The following DSG2 variants were observed in gnomAD, a reference collection of about 807,000 sequenced individuals.
The protein encoded by DSG2 is desmoglein 2.
A neutral mutation model predicts 75.6 loss-of-function variants in DSG2; 45 were observed. The ratio of observed to expected loss-of-function variants is 0.60; its 90% CI spans 0.47 to 0.76. DSG2 has a LOEUF of 0.76. DSG2 is among the 30% of genes least tolerant of loss of function. The pLI is 0.00. For missense variants in DSG2, 1,267 were observed against 1,357.4 expected, an observed-to-expected ratio of 0.93 and a Z score of 1.05; for synonymous variants, 429 against 483.9, an observed-to-expected ratio of 0.89 and a Z score of 1.49.
At chr18:31,542,019 C>T (rs938766835) in intron 13 of DSG2, 1 of 197,538 alleles carries the variant, frequency 5.1e-6, no homozygotes, top group Non-Finnish European at 1.1e-5. Context: ...CACATTCTAA[C>T]CAGCACATGG....
Position 31,546,851 on chromosome 18 carries a change from C to A in DSG2, c.*108C>A. The stretch of plus-strand genomic sequence containing the variant: ...CCTTACAGACACACAGAGACACATA[C>A]ACATTGATCTTAAAATTTTTCTCAG... On this transcript the variant is annotated 3_prime_UTR_variant, in exon 15 of 15. Coordinates refer to ENST00000261590, the MANE Select transcript of DSG2 (RefSeq NM_001943.5). 1 of 1,236,000 alleles carries A rather than the reference C, an allele frequency of 8.1e-7. No homozygotes were observed. Among genetic ancestry groups the A allele is most frequent in the Non-Finnish European group, 1.2e-6 (1 of 843,952 alleles). The allele number at this position is 1,236,000 out of a possible 1,614,324, so 76.6% of individuals were successfully genotyped here.
intron 14 of DSG2, 99 bp downstream of exon 14, chr18:31,542,951 G>T: frequency 1.0e-6 from 1 of 981,196 alleles, no homozygotes; most frequent in Non-Finnish European, 1.4e-6. Context: ...ATCCAAATGA[G>T]ACTTTGGGTT....
Position 31,519,842 on chromosome 18 carries a change from C to T in DSG2, c.121C>T (p.His41Tyr). ...AAATGAAAATAAGCTGCTTCCTAAA[C>T]ATCCTCATTTAGTGCGGCAAAAGCG... ...TRNENKLLPK[H>Y]PHLVRQKRAW... Residue 41 changes from histidine to tyrosine, a missense_variant, in exon 3 of 15, where the codon CAT (histidine) becomes TAT (tyrosine). Physicochemically the swap from His to Tyr is moderately conservative, Grantham distance 83. Coordinates refer to ENST00000261590, the MANE Select transcript of DSG2 (RefSeq NM_001943.5). 6.2e-7 allele frequency: 1 copy of T among 1,614,168 alleles called. No homozygotes were observed. The highest frequency in any genetic ancestry group is 8.5e-7 in the Non-Finnish European group (1 of 1,180,032).
chr18:31,521,378 A>T, intron 5 of DSG2, 135 bp downstream of exon 5: 7 of 939,488 alleles, frequency 7.5e-6, no homozygotes, highest in Non-Finnish European at 1.1e-5. Context: ...AAAGCAGTTC[A>T]GAACTGCTTT....
In DSG2 at chr18:31,542,839, A is replaced by G; in HGVS notation, c.2321A>G (p.Asn774Ser). 1 of 1,301,646 alleles carries G rather than the reference A, an allele frequency of 7.7e-7. No homozygotes were observed. The allele number at this position is 1,301,646 out of a possible 1,614,324, so 80.6% of individuals were successfully genotyped here. A position where few individuals can be genotyped will look rare whatever the true frequency, so the allele number is the denominator to read the frequency against. Residue 774 changes from asparagine to serine, a missense_variant, in exon 14 of 15, where the codon AAT becomes AGT. Transcript: ENST00000261590. ...AVALNEEFLR[N>S]YFTDKAASYT... ...GCACTGAACGAAGAATTCTTAAGAA[A>G]TTATTTCACTGATGTAAGGATGAGT...
In DSG2 at chr18:31,524,885, T is replaced by G. The variant is rs751003065; in HGVS notation, c.1011T>G (p.Ile337Met). Reference sequence around the variant, plus strand: ...CTAACGAAGGAATTGTGACCCTTATTAAGGTAAGTACTAAGTATTCAAAAC... The same window carrying G: ...CTAACGAAGGAATTGTGACCCTTATGAAGGTAAGTACTAAGTATTCAAAAC... Reference protein sequence around the residue: ...AQTNEGIVTLIKEVDYEEMKN... With the variant: ...AQTNEGIVTLMKEVDYEEMKN... Residue 337 changes from isoleucine to methionine, a missense_variant, in exon 8 of 15, where the codon ATT becomes ATG. By Grantham distance (10) the Ile-to-Met change is conservative (BLOSUM62 1). Transcript: ENST00000261590. 8 of 1,614,110 alleles carry G rather than the reference T, an allele frequency of 5.0e-6. No individual in the cohort carries two copies. The East Asian group carries it at 1.8e-4, about 36-fold the overall frequency.
At chr18:31,502,791 A>T (rs1203165078) in intron 1 of DSG2, among the ~76,000 whole-genome samples, 1 of 151,928 alleles carries the variant, frequency 6.6e-6, no homozygotes, top group Non-Finnish European at 1.5e-5. Context: ...GAAGGGAGGG[A>T]GGGAGGAAGG....
chr18:31,505,125 A>G (rs1051864952), intron 1 of DSG2, among the ~76,000 whole-genome samples: 7 of 152,316 alleles, frequency 4.6e-5, no homozygotes, highest in Middle Eastern at 6.8e-3. Flanking sequence ...ATCAGTGAAG[A>G]GCCTCAGCTC....
intron 1 of DSG2, among the ~76,000 whole-genome samples, chr18:31,499,643 G>T (rs1261314983): frequency 6.6e-6 from 1 of 152,128 alleles, no homozygotes; most frequent in Non-Finnish European, 1.5e-5. Flanking sequence ...CTGTCACCTT[G>T]ATGTTTCCTT....
Position 31,548,771 on chromosome 18 carries a change from G to C in DSG2, c.*2028G>C, listed in dbSNP as rs2073332825. The C allele has an allele frequency of 6.6e-6, 1 of 152,004 alleles. No individual in the cohort carries two copies. The highest frequency in any genetic ancestry group is 1.5e-5 in the Non-Finnish European group (1 of 67,972). 9.4% of individuals were successfully genotyped at this position (152,004 alleles called of 1,614,324 possible). On this transcript the variant is annotated 3_prime_UTR_variant, in exon 15 of 15. Transcript: ENST00000261590. ...GTTCCTGAAAAAGTGATTTGTATTA[G>C]TTTTACATTTGTTTTTTGGAAGATT... is the stretch of plus-strand genomic sequence containing the variant.
rs34481723 is a variant in DSG2 at position 31,537,618 on chromosome 18, C to CA, written c.1652-1123dup. 8.2e-3 allele frequency among the ~76,000 whole-genome samples: 1,179 copies of CA among 143,660 alleles called. 21 individuals carry two copies. Among genetic ancestry groups the CA allele is most frequent in the African/African-American group, 0.029 (1,121 of 39,028 alleles). The allele number at this position is 143,660 out of a possible 152,430, so 94.2% of individuals were successfully genotyped here. ...TGGGTGACAGAGCAAGACTCTGTCT[C>CA]AAAAAAAAAACTCCCTATGATCCTT... On this transcript the variant is annotated intron_variant, in intron 11 of 14. Transcript: ENST00000261590.
rs1420676188 is a variant in DSG2 at position 31,546,569 on chromosome 18, C to T, written c.3183C>T (p.Tyr1061=). Residue 1061 remains tyrosine (Y), a synonymous_variant, in exon 15 of 15, where the codon TAC becomes TAT. Coordinates refer to ENST00000261590, the MANE Select transcript of DSG2 (RefSeq NM_001943.5). ...LAPASTLQSS[Y]QIPTENSMTA... is the part of the protein sequence containing the mutation. ...CTGCTTCCACTCTGCAATCCAGTTACCAGATTCCCACTGAAAATTCTATGA... is the reference window on the plus strand; with the variant it reads ...CTGCTTCCACTCTGCAATCCAGTTATCAGATTCCCACTGAAAATTCTATGA... 6.2e-7 allele frequency: 1 copy of T among 1,614,080 alleles called. No homozygotes were observed. The highest frequency in any genetic ancestry group is 1.3e-5 in the African/African-American group (1 of 74,920).
intron 1 of DSG2, among the ~76,000 whole-genome samples, chr18:31,505,923 G>A (rs547113790): frequency 6.6e-6 from 1 of 152,208 alleles, no homozygotes; most frequent in Admixed American, 6.5e-5. Flanking sequence ...AAAGTGCTGG[G>A]ATTACAGGCG....
At chr18:31,505,877 G>A (rs2073036952) in intron 1 of DSG2, among the ~76,000 whole-genome samples, 4 of 152,032 alleles carry the variant, frequency 2.6e-5, no homozygotes, top group South Asian at 2.1e-4. Flanking sequence ...GGCCAGAATG[G>A]TCTTGGTCTC....
chr18:31,523,278 G>A (rs1382476247), intron 6 of DSG2, among the ~76,000 whole-genome samples: 4 of 152,146 alleles, frequency 2.6e-5, no homozygotes, highest in Admixed American at 2.6e-4. Context: ...GCGGGCACCT[G>A]TAGTCCCAGC....
chr18:31,524,872 T>C lies in DSG2; in HGVS notation c.998T>C (p.Ile333Thr), dbSNP rs773871942. 2 of 1,614,034 alleles carry C rather than the reference T, an allele frequency of 1.2e-6. No individual in the cohort carries two copies. Among genetic ancestry groups the C allele is most frequent in the African/African-American group, 1.3e-5 (1 of 74,930 alleles). The change falls in exon 8 of 15, where the codon ATT becomes ACT. Residue 333 changes from isoleucine to threonine, a missense_variant. Physicochemically the swap from Ile to Thr is moderately conservative, Grantham distance 89. Transcript: ENST00000261590. ...IETDAQTNEG[I>T]VTLIKEVDYE... is the part of the protein sequence containing the mutation. ...ACAGATGCTCAAACTAACGAAGGAA[T>C]TGTGACCCTTATTAAGGTAAGTACT... is the stretch of plus-strand genomic sequence containing the variant.
At chr18:31,518,211 C>T in intron 1 of DSG2, 28 bp from the exon 2 acceptor site, 1 of 1,588,954 alleles carries the variant, frequency 6.3e-7, no homozygotes, top group East Asian at 2.2e-5. Flanking sequence ...AGTAAATTGG[C>T]TAAATATCAA....
At chr18:31,533,505 A>G (rs1444883267) in intron 9 of DSG2, among the ~76,000 whole-genome samples, 1 of 152,212 alleles carries the variant, frequency 6.6e-6, no homozygotes, top group Non-Finnish European at 1.5e-5. Flanking sequence ...CTGTTTACAG[A>G]TATTTGATAT....
In DSG2 at chr18:31,546,256, A is replaced by G; in HGVS notation, c.2870A>G (p.Gln957Arg). Reference sequence around the variant, plus strand: ...ACCACTGTGATCCTGGGTCCTAGCCAGCCACAGAGCCTTATTGTGACAGAG... The same window carrying G: ...ACCACTGTGATCCTGGGTCCTAGCCGGCCACAGAGCCTTATTGTGACAGAG... Reference protein sequence around the residue: ...PPTTVILGPSQPQSLIVTERV... With the variant: ...PPTTVILGPSRPQSLIVTERV... Residue 957 changes from glutamine to arginine, a missense_variant, in exon 15 of 15, where the codon CAG (glutamine) becomes CGG (arginine). Gln to Arg is a conservative substitution (Grantham distance 43). Transcript: ENST00000261590. 3 of 1,605,360 alleles carry G rather than the reference A, an allele frequency of 1.9e-6. No homozygotes were observed. The highest frequency in any genetic ancestry group is 2.6e-6 in the Non-Finnish European group (3 of 1,175,314).
Sources: allele counts gnomAD v4.1 joint callset (sites outside exome capture counted in the v4.1 genomes callset), GRCh38; gene constraint gnomAD v4.1.1; transcripts MANE v1.5; gene names NCBI Gene and HGNC (gene_info 2026-07-23, HGNC 2026-07-21).